PRDM16: variants seen among roughly 807,000 people sequenced by gnomAD.
PRDM16 encodes histone-lysine N-methyltransferase PRDM16.
Under a neutral mutation model 110.6 loss-of-function variants are expected in PRDM16, and 23 were observed. That is an observed-to-expected ratio of 0.21 (90% CI 0.15 to 0.29). The LOEUF is 0.29. PRDM16 is among the 10% of genes least tolerant of loss of function. PRDM16 has a pLI of 1.00. For missense variants in PRDM16, 1,615 were observed against 1,794.3 expected (o/e 0.90, Z 1.81); for synonymous variants, 799 against 781.8 (o/e 1.02, Z -0.37).
chr1:3,279,388 C>G (rs1640661393), intron 3 of PRDM16, among the ~76,000 whole-genome samples: 1 of 152,238 alleles, frequency 6.6e-6, no homozygotes, highest in Non-Finnish European at 1.5e-5. Context: ...CTCGGGGCAG[C>G]TGTGCTGAGC....
At chr1:3,211,550 G>A (rs1377567604) in intron 2 of PRDM16, among the ~76,000 whole-genome samples, 1 of 152,222 alleles carries the variant, frequency 6.6e-6, no homozygotes, top group Non-Finnish European at 1.5e-5. Flanking sequence ...GTTGGGTCCA[G>A]CTCCCTCTGC....
At chr1:3,270,958 G>A (rs950578773) in intron 3 of PRDM16, among the ~76,000 whole-genome samples, 1 of 152,076 alleles carries the variant, frequency 6.6e-6, no homozygotes, top group Non-Finnish European at 1.5e-5. Flanking sequence ...AGTTCCAGAG[G>A]AGCAGTCCCA....
chr1:3,430,214 A>G (rs1207499159), intron 14 of PRDM16, among the ~76,000 whole-genome samples: 1 of 152,086 alleles, frequency 6.6e-6, no homozygotes, highest in Non-Finnish European at 1.5e-5. Flanking sequence ...AGCCACACCC[A>G]TGCACGCTTT....
intron 3 of PRDM16, among the ~76,000 whole-genome samples, chr1:3,272,838 C>T (rs917861733): frequency 6.6e-6 from 1 of 152,212 alleles, no homozygotes; most frequent in Non-Finnish European, 1.5e-5. Flanking sequence ...GCTGGCTCCC[C>T]TGCTGCCTGT....
Position 3,412,798 on chromosome 1 carries a change from C to T in PRDM16, c.2601C>T (p.Tyr867=). 6.9e-7 allele frequency: 1 copy of T among 1,456,928 alleles called. No individual in the cohort carries two copies. Among genetic ancestry groups the T allele is most frequent in the South Asian group, 1.5e-5 (1 of 68,550 alleles). 90.3% of individuals were successfully genotyped at this position (1,456,928 alleles called of 1,614,324 possible). The change falls in exon 9 of 17, where the codon TAC becomes TAT. Residue 867 remains tyrosine, a splice_region_variant and synonymous_variant. Transcript: ENST00000270722. ...KPSPFFMDPI[Y]SRVEKRKVTD... is the part of the protein sequence containing the mutation. The stretch of plus-strand genomic sequence containing the variant: ...CGCCCTTCTTCATGGACCCCATCTA[C>T]AGGTATTCAGCACCCCAGCCTCACT...
At chr1:3,146,506 AGT>A (rs1026605200) in intron 1 of PRDM16, among the ~76,000 whole-genome samples, 3 of 136,830 alleles carry the variant, frequency 2.2e-5, no homozygotes, top group African/African-American at 5.6e-5. Context: ...TATGTGTGCA[AGT>A]GTGTGTGCTC....
intron 3 of PRDM16, among the ~76,000 whole-genome samples, chr1:3,363,850 C>T (rs1467370823): frequency 6.6e-6 from 1 of 152,184 alleles, no homozygotes. Flanking sequence ...CCAAACATCA[C>T]AACACGGGCC....
At chr1:3,237,323 T>A (rs1347089871) in intron 2 of PRDM16, among the ~76,000 whole-genome samples, 1 of 152,058 alleles carries the variant, frequency 6.6e-6, no homozygotes, top group Non-Finnish European at 1.5e-5. Context: ...TTTGTGCATA[T>A]GCTGCCTCAC....
chr1:3,302,064 G>A (rs1478104222), intron 3 of PRDM16, among the ~76,000 whole-genome samples: 2 of 150,890 alleles, frequency 1.3e-5, no homozygotes, highest in African/African-American at 4.9e-5. Flanking sequence ...CTATGCAGTT[G>A]CCAGGAATGC....
chr1:3,274,274 G>T (rs1640532515), intron 3 of PRDM16, among the ~76,000 whole-genome samples: 1 of 152,164 alleles, frequency 6.6e-6, no homozygotes, highest in African/African-American at 2.4e-5. Context: ...ATGGACTTAG[G>T]CCGAGCAGTG....
chr1:3,412,370 T>G lies in PRDM16; in HGVS notation c.2173T>G (p.Phe725Val). The G allele has an allele frequency of 1.9e-6, 3 of 1,613,522 alleles. No individual in the cohort carries two copies. Among genetic ancestry groups the G allele is most frequent in the Non-Finnish European group, 2.5e-6 (3 of 1,180,004 alleles). The stretch of plus-strand genomic sequence containing the variant: ...GGGCTCGCTCCCCTACCACTCGGCG[T>G]TCCCCTTCCAGTTCCTGCCCAACTT... Reference protein sequence around the residue: ...KLGSLPYHSAFPFQFLPNFPH... With the variant: ...KLGSLPYHSAVPFQFLPNFPH... The change falls in exon 9 of 17, where the codon TTC becomes GTC. Residue 725 changes from phenylalanine to valine, a missense_variant. Phe to Val is a conservative substitution (Grantham distance 50). Coordinates refer to ENST00000270722, the MANE Select transcript of PRDM16 (RefSeq NM_022114.4).
chr1:3,273,843 TG>T (rs1640520317), intron 3 of PRDM16, among the ~76,000 whole-genome samples: 2 of 151,176 alleles, frequency 1.3e-5, no homozygotes, highest in African/African-American at 4.9e-5. Flanking sequence ...TGTGTGTGTG[TG>T]TGTGTGTATG....
intron 5 of PRDM16, among the ~76,000 whole-genome samples, chr1:3,397,014 A>G (rs1643396591): frequency 6.6e-6 from 1 of 152,332 alleles, no homozygotes; most frequent in Admixed American, 6.5e-5. Flanking sequence ...ATGAACGAAC[A>G]AACAAACACC....
chr1:3,146,250 C>T (rs1044900364), intron 1 of PRDM16, among the ~76,000 whole-genome samples: 2 of 152,242 alleles, frequency 1.3e-5, no homozygotes, highest in African/African-American at 2.4e-5. Context: ...AATGAACGTT[C>T]GCTGACTTCA....
intron 3 of PRDM16, among the ~76,000 whole-genome samples, chr1:3,346,901 G>T (rs374995176): frequency 1.3e-5 from 2 of 152,236 alleles, no homozygotes; most frequent in Non-Finnish European, 2.9e-5. Flanking sequence ...GTGCTCTGCC[G>T]CTCCCCTTTC....
chr1:3,101,763 G>C lies in PRDM16; in HGVS notation c.37+32467G>C, dbSNP rs1178040208. On this transcript the variant is annotated intron_variant, in intron 1 of 16. Transcript: ENST00000270722. ...CTCAGGGCAGCTTGAGGCTGAGAAG[G>C]AATGCCGGCCCAGCTCAGCAGGAGT... Among the ~76,000 whole-genome samples the C allele has an allele frequency of 2.0e-5, 3 of 152,330 alleles. No homozygotes were observed. The East Asian group carries it at 5.8e-4, about 29-fold the overall frequency.
chr1:3,181,487 CA>C lies in PRDM16; in HGVS notation c.38-4637del, dbSNP rs1557509373. 7.4e-3 allele frequency among the ~76,000 whole-genome samples: 137 copies of C among 18,614 alleles called. 20 individuals are homozygous for C. Among genetic ancestry groups the C allele is most frequent in the African/African-American group, 0.012 (135 of 11,328 alleles). 12.2% of individuals were successfully genotyped at this position (18,614 alleles called of 152,430 possible). A position where few individuals can be genotyped will look rare whatever the true frequency, so the allele number is the denominator to read the frequency against. On this transcript the variant is annotated intron_variant, in intron 1 of 16. Coordinates refer to ENST00000270722, the MANE Select transcript of PRDM16 (RefSeq NM_022114.4). ...GGTCTTACACACGCAGTCTTACACA[CA>C]GCCTTACGCATGGTCTTACACACGC...
At chr1:3,252,300 T>C (rs374126201) in intron 3 of PRDM16, among the ~76,000 whole-genome samples, 5 of 152,122 alleles carry the variant, frequency 3.3e-5, no homozygotes, top group Admixed American at 6.5e-5. Flanking sequence ...TGTGCGGGCA[T>C]TGGGGGGCTG....
chr1:3,181,592 G>GCA (rs1255856644), intron 1 of PRDM16, among the ~76,000 whole-genome samples: 3 of 66,852 alleles, frequency 4.5e-5, no homozygotes, highest in African/African-American at 1.4e-4. Flanking sequence ...TCTTACATAT[G>GCA]GTCTTACACA....
Sources: allele counts gnomAD v4.1 joint callset (sites outside exome capture counted in the v4.1 genomes callset), GRCh38; gene constraint gnomAD v4.1.1; transcripts MANE v1.5; gene names NCBI Gene and HGNC (gene_info 2026-07-23, HGNC 2026-07-21).